The following SGK1 variants were observed in gnomAD, a reference collection of about 807,000 sequenced individuals.
The protein encoded by SGK1 is serine/threonine-protein kinase Sgk1.
Under a neutral mutation model 64.2 loss-of-function variants are expected in SGK1, and 26 were observed. That is an observed-to-expected ratio of 0.40 (90% CI 0.30 to 0.56). The LOEUF (loss-of-function observed/expected upper bound fraction) is 0.56, where lower values mean the gene tolerates loss of function less well. Among genes scored for constraint, SGK1 ranks in the 20% least tolerant of loss-of-function variants. The probability of loss-of-function intolerance (pLI) is 0.38; values close to 1 mark genes in which losing one functional copy is unlikely to be tolerated. For missense variants in SGK1, 519 were observed against 645.6 expected (o/e 0.80, Z 2.12); for synonymous variants, 265 against 239.7 (o/e 1.11, Z -0.98).
intron 1 of SGK1, among the ~76,000 whole-genome samples, chr6:134,304,878 A>G (rs1258144107): frequency 1.3e-5 from 2 of 152,240 alleles, no homozygotes; most frequent in Admixed American, 6.5e-5. Flanking sequence ...ACTGAAATTT[A>G]TATTTAAATT....
At chr6:134,291,158 AT>A (rs568225401) in intron 1 of SGK1, among the ~76,000 whole-genome samples, 28 of 152,198 alleles carry the variant, frequency 1.8e-4, no homozygotes, top group African/African-American at 6.5e-4. Context: ...GTGTGGGATG[AT>A]TTGGAGTGAA....
chr6:134,297,441 C>A, intron 1 of SGK1: 1 of 684,680 alleles, frequency 1.5e-6, no homozygotes, highest in Non-Finnish European at 2.7e-6. Flanking sequence ...CAGGGAAGCC[C>A]TCTGGCCTTT....
intron 11 of SGK1, 62 bp from the exon 12 acceptor site, chr6:134,171,240 G>T: frequency 1.4e-6 from 2 of 1,465,172 alleles, no homozygotes; most frequent in African/African-American, 1.4e-5. Flanking sequence ...CACATTACCA[G>T]TAGAGAAAAA....
intron 2 of SGK1, among the ~76,000 whole-genome samples, chr6:134,226,484 A>T (rs1293617310): frequency 6.6e-6 from 1 of 151,928 alleles, no homozygotes; most frequent in African/African-American, 2.4e-5. Context: ...GATTGCCTGG[A>T]GTTTGAGACC....
At chr6:134,174,948 TTCGCCTCGCCCC>T (rs1214089034) in intron 3 of SGK1, 3 of 1,441,304 alleles carry the variant, frequency 2.1e-6, no homozygotes, top group South Asian at 1.4e-5. Context: ...GGCCCCGCCC[TTCGCCTCGCCCC>T]TCGCCCCGCC....
At chr6:134,190,474 C>T (rs1775493126) in intron 3 of SGK1, among the ~76,000 whole-genome samples, 1 of 151,926 alleles carries the variant, frequency 6.6e-6, no homozygotes, top group Admixed American at 6.6e-5. Flanking sequence ...TTAGTAGAGA[C>T]AGGGTTTCGC....
At chr6:134,205,869 T>G (rs1440790188) in intron 3 of SGK1, among the ~76,000 whole-genome samples, 1 of 152,188 alleles carries the variant, frequency 6.6e-6, no homozygotes. Flanking sequence ...AGGTGAAAGC[T>G]CTATTATCAC....
At chr6:134,309,116 G>C (rs774507609) in intron 1 of SGK1, among the ~76,000 whole-genome samples, 1 of 152,150 alleles carries the variant, frequency 6.6e-6, no homozygotes, top group Non-Finnish European at 1.5e-5. Flanking sequence ...GCTCTAGAAA[G>C]CAATTAGAGT....
At chr6:134,175,405 C>G in intron 3 of SGK1, 2 of 1,278,534 alleles carry the variant, frequency 1.6e-6, no homozygotes, top group South Asian at 2.0e-5. Flanking sequence ...GGCCTGCGCG[C>G]GCGACCTCGC....
intron 1 of SGK1, among the ~76,000 whole-genome samples, chr6:134,313,224 A>G (rs1244632944): frequency 1.3e-5 from 2 of 152,224 alleles, no homozygotes; most frequent in African/African-American, 4.8e-5. Flanking sequence ...CATAAAATAG[A>G]GAGTCAAGGC....
rs552866231 is a variant in SGK1 at position 134,300,472 on chromosome 6, A to C, written c.69+16920T>G. ...AGAATGGCATGAACCCGGGAGGCGG[A>C]GGTTGCAGTGAGCCGAGATCGCGCC... is the stretch of plus-strand genomic sequence containing the variant. On this transcript the variant is annotated intron_variant, in intron 1 of 13. Transcript: ENST00000367858. 1.1e-4 allele frequency among the ~76,000 whole-genome samples: 15 copies of C among 137,620 alleles called. No individual in the cohort carries two copies. In the East Asian group the frequency reaches 3.5e-3, roughly 32 times the overall value. The allele number at this position is 137,620 out of a possible 152,430, so 90.3% of individuals were successfully genotyped here.
intron 1 of SGK1, among the ~76,000 whole-genome samples, chr6:134,281,493 A>G (rs1777093983): frequency 6.6e-6 from 1 of 151,738 alleles, no homozygotes; most frequent in Non-Finnish European, 1.5e-5. Context: ...TAGCTTTCCA[A>G]AGATAAAACT....
chr6:134,232,939 T>C (rs979191687), intron 2 of SGK1, among the ~76,000 whole-genome samples: 2 of 151,952 alleles, frequency 1.3e-5, no homozygotes, highest in African/African-American at 4.8e-5. Context: ...GTAGTGGGAG[T>C]ACGGATGCTC....
At chr6:134,213,270 C>T (rs570400987) in intron 2 of SGK1, among the ~76,000 whole-genome samples, 1 of 152,106 alleles carries the variant, frequency 6.6e-6, no homozygotes, top group Non-Finnish European at 1.5e-5. Context: ...GCCTATAATC[C>T]CAGCACTTTG....
chr6:134,297,076 T>G (rs917316203), intron 1 of SGK1: 13 of 480,602 alleles, frequency 2.7e-5, no homozygotes, highest in African/African-American at 2.2e-4. Flanking sequence ...ACAGCCCTGG[T>G]GGAGCTGATG....
At chr6:134,238,787 G>C (rs1366411704) in intron 2 of SGK1, among the ~76,000 whole-genome samples, 1 of 152,090 alleles carries the variant, frequency 6.6e-6, no homozygotes, top group Non-Finnish European at 1.5e-5. Context: ...CAGAAAATGA[G>C]TTACTCTGCA....
intron 1 of SGK1, among the ~76,000 whole-genome samples, chr6:134,262,467 T>A (rs1776782031): frequency 6.7e-6 from 1 of 149,684 alleles, no homozygotes; most frequent in Non-Finnish European, 1.5e-5. Flanking sequence ...ATAGGGGGGT[T>A]TCACTCTGTT....
intron 2 of SGK1, chr6:134,260,605 G>C (rs1776752343): frequency 6.6e-6 from 1 of 151,474 alleles, no homozygotes; most frequent in African/African-American, 2.4e-5. Flanking sequence ...TCAGGAAGCG[G>C]AGGTTGCAGT....
intron 1 of SGK1, among the ~76,000 whole-genome samples, chr6:134,294,325 G>A (rs1013691539): frequency 6.6e-6 from 1 of 152,026 alleles, no homozygotes; most frequent in Non-Finnish European, 1.5e-5. Flanking sequence ...AACCATCACC[G>A]CTATCCAGTC....
Sources: gnomAD v4.1 joint callset for allele counts (sites outside exome capture counted in the v4.1 genomes callset) on GRCh38, gnomAD v4.1.1 for gene constraint, MANE v1.5 for transcripts, NCBI Gene and HGNC (gene_info 2026-07-23, HGNC 2026-07-21) for gene names.